The following HCK variants were observed in gnomAD, a reference collection of about 807,000 sequenced individuals.
HCK encodes the protein HCK proto-oncogene, Src family tyrosine kinase, also known as tyrosine-protein kinase HCK.
A neutral mutation model predicts 70.4 loss-of-function variants in HCK; 40 were observed. The ratio of observed to expected loss-of-function variants is 0.57; its 90% CI spans 0.44 to 0.74. The LOEUF (loss-of-function observed/expected upper bound fraction) is 0.74, where lower values mean the gene tolerates loss of function less well. Ranked by LOEUF, HCK falls within the 30% of genes least tolerant of loss-of-function variation. The pLI, the probability that HCK is intolerant of heterozygous loss-of-function variation, is 0.00. For missense variants in HCK, 568 were observed against 697.2 expected (o/e 0.81, Z 2.09); for synonymous variants, 245 against 263.2 (o/e 0.93, Z 0.67).
chr20:32,058,605 AAC>A (rs60349531), intron 1 of HCK, among the ~76,000 whole-genome samples: 14,720 of 142,324 alleles, frequency 0.1, 793 homozygotes, highest in Middle Eastern at 0.16. Flanking sequence ...TTTATGTCAA[AAC>A]ACACACACAC....
chr20:32,062,509 C>A lies in HCK; in HGVS notation c.63-9153C>A, dbSNP rs147265361. On this transcript the variant is annotated intron_variant, in intron 1 of 12. Transcript: ENST00000375852. The stretch of plus-strand genomic sequence containing the variant: ...AGGCATCTCAGAGCCAGCCCTATGG[C>A]TCAGCCAGGCAAATGATCAAAGCCC... Among the ~76,000 whole-genome samples the A allele has an allele frequency of 1.9e-3, 296 of 152,312 alleles. 3 individuals are homozygous for A. The highest frequency in any genetic ancestry group is 6.7e-3 in the African/African-American group (280 of 41,568).
intron 11 of HCK, among the ~76,000 whole-genome samples, chr20:32,097,151 G>A (rs951739896): frequency 6.6e-6 from 1 of 152,038 alleles, no homozygotes; most frequent in African/African-American, 2.4e-5. Context: ...GTGGTGGTGT[G>A]AGCCTGTGGT....
intron 6 of HCK, among the ~76,000 whole-genome samples, chr20:32,083,201 G>A (rs559783324): frequency 7.9e-5 from 12 of 152,244 alleles, no homozygotes; most frequent in Admixed American, 7.2e-4. Context: ...AAGAACTCAA[G>A]GGATTACACT....
intron 11 of HCK, 67 bp from the exon 12 acceptor site, chr20:32,098,937 C>A (rs1600752304): frequency 3.2e-6 from 5 of 1,561,720 alleles, no homozygotes; most frequent in Admixed American, 1.8e-5. Context: ...CCTGTTCCCC[C>A]ACCTTAGCAG....
At chr20:32,055,833 C>G (rs1391237290) in intron 1 of HCK, among the ~76,000 whole-genome samples, 2 of 152,164 alleles carry the variant, frequency 1.3e-5, no homozygotes, top group Non-Finnish European at 2.9e-5. Flanking sequence ...AATTACCCCC[C>G]ATTCCCCCGG....
At chr20:32,069,909 T>C (rs924874919) in intron 1 of HCK, among the ~76,000 whole-genome samples, 4 of 152,190 alleles carry the variant, frequency 2.6e-5, no homozygotes, top group African/African-American at 9.7e-5. Flanking sequence ...AAATGGCAAT[T>C]GTGCAGAGAT....
intron 1 of HCK, among the ~76,000 whole-genome samples, chr20:32,056,372 CG>C (rs995422995): frequency 2.0e-5 from 3 of 152,016 alleles, no homozygotes; most frequent in Non-Finnish European, 2.9e-5. Flanking sequence ...AAAAATTAGC[CG>C]GGCATTGTGG....
At chr20:32,098,859 C>T in intron 11 of HCK, 145 bp from the exon 12 acceptor site, 1 of 834,654 alleles carries the variant, frequency 1.2e-6, no homozygotes, top group East Asian at 2.5e-5. Flanking sequence ...CCCTTGCTTC[C>T]ACAGGGAGGC....
At chr20:32,092,925 C>T (rs1263754555) in intron 10 of HCK, among the ~76,000 whole-genome samples, 1 of 151,944 alleles carries the variant, frequency 6.6e-6, no homozygotes, top group African/African-American at 2.4e-5. Context: ...CTCTACAGGT[C>T]ATATTTTGTT....
chr20:32,098,003 C>T (rs984281325), intron 11 of HCK, among the ~76,000 whole-genome samples: 8 of 151,900 alleles, frequency 5.3e-5, no homozygotes, highest in African/African-American at 1.7e-4. Context: ...CATAATAAAA[C>T]ACTGTCTCTA....
At chr20:32,089,817 C>T (rs1282790815) in intron 10 of HCK, among the ~76,000 whole-genome samples, 1 of 152,202 alleles carries the variant, frequency 6.6e-6, no homozygotes, top group Non-Finnish European at 1.5e-5. Flanking sequence ...GAGGAAGTGG[C>T]CTCTAGGCCG....
intron 1 of HCK, among the ~76,000 whole-genome samples, chr20:32,060,749 C>T (rs1052001013): frequency 7.9e-5 from 12 of 151,888 alleles, no homozygotes; most frequent in Non-Finnish European, 1.8e-4. Flanking sequence ...AGTTCAAGTC[C>T]TTTGAGAAGC....
intron 4 of HCK, 129 bp downstream of exon 4, chr20:32,073,947 C>T: frequency 1.6e-6 from 1 of 620,440 alleles, no homozygotes; most frequent in South Asian, 1.9e-5. Context: ...TAATGAGAAG[C>T]TAATCACAAT....
chr20:32,084,194 G>C, intron 7 of HCK, 151 bp downstream of exon 7: 4 of 1,067,726 alleles, frequency 3.7e-6, no homozygotes, highest in Non-Finnish European at 5.3e-6. Context: ...GCTTAGGACT[G>C]TTGAGCAGGA....
At chr20:32,098,033 A>G (rs1036457236) in intron 11 of HCK, among the ~76,000 whole-genome samples, 1 of 148,844 alleles carries the variant, frequency 6.7e-6, no homozygotes, top group African/African-American at 2.5e-5. Flanking sequence ...CTATTTTTTT[A>G]TATTTTATTT....
intron 1 of HCK, among the ~76,000 whole-genome samples, chr20:32,059,297 C>CCTTCCTTCCT (rs1406061338): frequency 1.9e-3 from 49 of 26,148 alleles, no homozygotes; most frequent in East Asian, 0.015. Flanking sequence ...CCTTCCTTCC[C>CCTTCCTTCCT]TCCCTCCCTC....
chr20:32,086,478 G>A (rs1248274795), intron 8 of HCK, 150 bp from the exon 9 acceptor site: 11 of 652,264 alleles, frequency 1.7e-5, no homozygotes, highest in Admixed American at 3.0e-5. Context: ...GTTGTCTGAG[G>A]CCTAAGCCCA....
chr20:32,082,721 A>C (rs1240869845), intron 6 of HCK, among the ~76,000 whole-genome samples: 1 of 152,168 alleles, frequency 6.6e-6, no homozygotes, highest in Non-Finnish European at 1.5e-5. Flanking sequence ...ACTGAGACAG[A>C]GGGACTAATA....
chr20:32,101,443 C>T lies in HCK; in HGVS notation c.1505C>T (p.Pro502Leu). ...TGGAAAAACCGTCCGGAGGAGCGGC[C>T]GACCTTCGAATACATCCAGAGTGTG... is the stretch of plus-strand genomic sequence containing the variant. The change falls in exon 13 of 13, where the codon CCG becomes CTG. Residue 502 changes from proline to leucine, a missense_variant. This residue lies in a region of HCK where 77 missense variants were observed against 85.0 expected (regional missense o/e 0.91). Coordinates refer to ENST00000375852, the MANE Select transcript of HCK (RefSeq NM_002110.5). 5.0e-6 allele frequency: 8 copies of T among 1,614,112 alleles called. No individual in the cohort carries two copies. Among genetic ancestry groups the T allele is most frequent in the East Asian group, 2.2e-5 (1 of 44,878 alleles).
Sources: gnomAD v4.1 joint callset for allele counts (sites outside exome capture counted in the v4.1 genomes callset) on GRCh38, gnomAD v4.1.1 for gene constraint, gnomAD v4.1.1 regional missense constraint, MANE v1.5 for transcripts, NCBI Gene and HGNC (gene_info 2026-07-23, HGNC 2026-07-21) for gene names.